The following LRBA variants were observed in gnomAD, a reference collection of about 807,000 sequenced individuals.
LRBA encodes the protein LPS responsive beige-like anchor protein, also known as lipopolysaccharide-responsive and beige-like anchor protein.
Under a neutral mutation model 330.0 loss-of-function variants are expected in LRBA, and 176 were observed. The observed-to-expected ratio is 0.53, with a 90% CI of 0.47 to 0.60. The LOEUF is 0.60. LRBA is among the 20% of genes least tolerant of loss of function. The pLI is 0.00. For missense variants in LRBA, 3,259 were observed against 3,444.8 expected (o/e 0.95, Z 1.35); for synonymous variants, 1,230 against 1,193.0 (o/e 1.03, Z -0.64).
At chr4:150,699,552 T>G in intron 36 of LRBA, among the ~76,000 whole-genome samples, 1 of 152,140 alleles carries the variant, frequency 6.6e-6, no homozygotes, top group East Asian at 1.9e-4. Context: ...AGATTCACTG[T>G]GGCACATATA....
chr4:150,817,157 C>T lies in LRBA; in HGVS notation c.5272G>A (p.Ala1758Thr), dbSNP rs757135525. The T allele has an allele frequency of 1.7e-5, 28 of 1,611,910 alleles. No individual in the cohort carries two copies. The Middle Eastern group carries it at 6.6e-4, about 38-fold the overall frequency. Reference protein sequence around the residue: ...AVSVVSSVDSAQASDMGGESP... With the variant: ...AVSVVSSVDSTQASDMGGESP... Reference sequence around the variant, plus strand: ...TCTCCTCCCATATCTGAGGCTTGGGCTGAATCTACTGAGGAAACCACACTG... The same window carrying T: ...TCTCCTCCCATATCTGAGGCTTGGGTTGAATCTACTGAGGAAACCACACTG... The change falls in exon 31 of 57, where the codon GCC (alanine) becomes ACC (threonine). Residue 1758 changes from alanine (A) to threonine (T), a missense_variant. Ala to Thr is a moderately conservative substitution (Grantham distance 58). Coordinates refer to ENST00000651943, the MANE Select transcript of LRBA (RefSeq NM_001364905.1).
chr4:150,492,418 T>C (rs1222097264), intron 40 of LRBA, among the ~76,000 whole-genome samples: 1 of 152,140 alleles, frequency 6.6e-6, no homozygotes, highest in East Asian at 1.9e-4. Context: ...AACGCCTATG[T>C]AAAATAAAGG....
chr4:150,897,638 C>T (rs1730237979), intron 15 of LRBA, 101 bp downstream of exon 15: 1 of 814,734 alleles, frequency 1.2e-6, no homozygotes, highest in Non-Finnish European at 2.0e-6. Flanking sequence ...AATGTGTAAC[C>T]ACAGTAACCA....
At chr4:150,486,108 G>A (rs541266603) in intron 42 of LRBA, among the ~76,000 whole-genome samples, 1 of 151,934 alleles carries the variant, frequency 6.6e-6, no homozygotes, top group African/African-American at 2.4e-5. Flanking sequence ...ACACACAAAG[G>A]TAACTGTGAG....
chr4:150,683,714 G>A lies in LRBA; in HGVS notation c.5758C>T (p.Leu1920=), dbSNP rs771389078. 2.5e-6 allele frequency: 4 copies of A among 1,582,400 alleles called. No individual in the cohort carries two copies. Among genetic ancestry groups the A allele is most frequent in the Non-Finnish European group, 3.4e-6 (4 of 1,163,016 alleles). Residue 1920 remains leucine, a synonymous_variant, in exon 37 of 57, where the codon CTG becomes TTG. Transcript: ENST00000651943. ...DIHRHAEFES[L]CAQYSADKRE... Reference sequence around the variant, plus strand: ...TTGTCTGCAGAATACTGGGCACACAGTGACTTGGAGAGAAAAAAAAATAAT... The same window carrying A: ...TTGTCTGCAGAATACTGGGCACACAATGACTTGGAGAGAAAAAAAAATAAT...
intron 3 of LRBA, 105 bp from the exon 4 acceptor site, chr4:150,928,721 C>T (rs1734142074): frequency 8.3e-7 from 1 of 1,211,438 alleles, no homozygotes; most frequent in South Asian, 1.3e-5. Flanking sequence ...GTTCTAGGTG[C>T]ATGCTACATG....
chr4:150,476,164 C>T (rs1272725876), intron 42 of LRBA, among the ~76,000 whole-genome samples: 1 of 152,116 alleles, frequency 6.6e-6, no homozygotes, highest in Non-Finnish European at 1.5e-5. Flanking sequence ...GTTTGCTCTC[C>T]TCTACTGTCT....
intron 40 of LRBA, among the ~76,000 whole-genome samples, chr4:150,543,336 A>C (rs1346253804): frequency 6.6e-6 from 1 of 152,204 alleles, no homozygotes; most frequent in African/African-American, 2.4e-5. Flanking sequence ...ATAACATTTC[A>C]CACTTAGAAA....
At chr4:150,545,299 AAAG>A (rs1419856533) in intron 40 of LRBA, among the ~76,000 whole-genome samples, 11 of 152,202 alleles carry the variant, frequency 7.2e-5, no homozygotes, top group Non-Finnish European at 1.0e-4. Context: ...TTTAACCTCA[AAAG>A]AAGATTACAA....
At chr4:150,642,943 T>C (rs1778819746) in intron 37 of LRBA, among the ~76,000 whole-genome samples, 1 of 151,922 alleles carries the variant, frequency 6.6e-6, no homozygotes, top group East Asian at 1.9e-4. Context: ...ATTATTGAAA[T>C]GTAGCTTTAA....
chr4:150,972,242 TA>T (rs1241503866), intron 2 of LRBA, among the ~76,000 whole-genome samples: 1 of 152,162 alleles, frequency 6.6e-6, no homozygotes, highest in Admixed American at 6.5e-5. Context: ...ACAAGGGTTT[TA>T]AACAAACAGA....
At chr4:150,275,812 T>C (rs896594097) in intron 56 of LRBA, among the ~76,000 whole-genome samples, 56 of 152,200 alleles carry the variant, frequency 3.7e-4, no homozygotes, top group Admixed American at 8.5e-4. Flanking sequence ...TCCATGCTCA[T>C]GGATAGGAAG....
intron 35 of LRBA, among the ~76,000 whole-genome samples, chr4:150,758,569 T>C (rs910061938): frequency 7.6e-6 from 1 of 131,094 alleles, no homozygotes; most frequent in African/African-American, 2.6e-5. Flanking sequence ...TTGATCTCTT[T>C]GTCTTTTTTT....
At chr4:150,816,550 A>G (rs72961844) in intron 31 of LRBA, among the ~76,000 whole-genome samples, 3,801 of 152,048 alleles carry the variant, frequency 0.025, 128 homozygotes, top group African/African-American at 0.082. Flanking sequence ...AAGAATGTAG[A>G]AGGAGAGATG....
intron 17 of LRBA, among the ~76,000 whole-genome samples, chr4:150,879,587 A>G (rs990738192): frequency 3.3e-5 from 5 of 152,178 alleles, no homozygotes; most frequent in Non-Finnish European, 7.3e-5. Flanking sequence ...CTCTCTCTTC[A>G]TGACAATATA....
chr4:150,538,789 C>T (rs1251726249), intron 40 of LRBA, among the ~76,000 whole-genome samples: 8 of 145,266 alleles, frequency 5.5e-5, no homozygotes, highest in Non-Finnish European at 1.0e-4. Context: ...GCACTCTAGC[C>T]GGATTACAGA....
At chr4:150,840,274 T>C (rs2126869490) in intron 28 of LRBA, among the ~76,000 whole-genome samples, 1 of 152,374 alleles carries the variant, frequency 6.6e-6, no homozygotes, top group Non-Finnish European at 1.5e-5. Context: ...GAACTTTGCA[T>C]TTGCCTTCAC....
chr4:150,667,523 A>C (rs6832498), intron 37 of LRBA, among the ~76,000 whole-genome samples: 123,608 of 152,122 alleles, frequency 0.81, 53,343 homozygotes, highest in Non-Finnish European at 0.95. Context: ...ATTTTCCCCC[A>C]AAAACCTGCA....
At chr4:150,961,110 C>T (rs1251622722) in intron 2 of LRBA, among the ~76,000 whole-genome samples, 1 of 149,006 alleles carries the variant, frequency 6.7e-6, no homozygotes, top group East Asian at 1.9e-4. Context: ...CCCCTCTATC[C>T]TCACCCCATA....
Sources: gnomAD v4.1 joint callset for allele counts (sites outside exome capture counted in the v4.1 genomes callset) on GRCh38, gnomAD v4.1.1 for gene constraint, MANE v1.5 for transcripts, NCBI Gene and HGNC (gene_info 2026-07-23, HGNC 2026-07-21) for gene names.